The following FARP1 variants were observed in gnomAD, a reference collection of about 807,000 sequenced individuals.
FARP1 encodes FERM, ARHGEF and pleckstrin domain-containing protein 1.
Under a neutral mutation model 128.8 loss-of-function variants are expected in FARP1, and 52 were observed. The ratio of observed to expected loss-of-function variants is 0.40; its 90% CI spans 0.32 to 0.51. The LOEUF is 0.51. Ranked by LOEUF, FARP1 falls within the 20% of genes least tolerant of loss-of-function variation. The probability of loss-of-function intolerance (pLI) is 0.45; values close to 1 mark genes in which losing one functional copy is unlikely to be tolerated. For missense variants in FARP1, 1,333 were observed against 1,367.9 expected, an observed-to-expected ratio of 0.97 and a Z score of 0.40; for synonymous variants, 580 against 551.8, an observed-to-expected ratio of 1.05 and a Z score of -0.72.
In FARP1 at chr13:98,450,094, A is replaced by T. The variant is rs981077809; in HGVS notation, c.*1777A>T. ...ACACTGGTGGTTCTGACCTGTGACC[A>T]GCACCTCTGCTTCCTGTGTGCCCTC... On this transcript the variant is annotated 3_prime_UTR_variant, in exon 27 of 27. Coordinates refer to ENST00000319562, the MANE Select transcript of FARP1 (RefSeq NM_005766.4). 1 of 152,260 alleles carries T rather than the reference A, an allele frequency of 6.6e-6. No homozygotes were observed. Among genetic ancestry groups the T allele is most frequent in the African/African-American group, 2.4e-5 (1 of 41,470 alleles). The allele number at this position is 152,260 out of a possible 1,614,324, so 9.4% of individuals were successfully genotyped here. A position where few individuals can be genotyped will look rare whatever the true frequency, so the allele number is the denominator to read the frequency against.
intron 1 of FARP1, among the ~76,000 whole-genome samples, chr13:98,182,602 C>T (rs1878611756): frequency 1.3e-5 from 2 of 152,188 alleles, no homozygotes; most frequent in Non-Finnish European, 2.9e-5. Context: ...GCTGGGATTA[C>T]AGGGGTAAAC....
rs547273248 is a variant in FARP1 at position 98,156,665 on chromosome 13, C to T, written c.-24+13173C>T. Reference sequence around the variant, plus strand: ...TCAAGCGATCCTCCTGCCTCAGCCTCCCAAAGTTATAGGATGAGCCACTGT... The same window carrying T: ...TCAAGCGATCCTCCTGCCTCAGCCTTCCAAAGTTATAGGATGAGCCACTGT... On this transcript the variant is annotated intron_variant, in intron 1 of 26. Coordinates refer to ENST00000319562, the MANE Select transcript of FARP1 (RefSeq NM_005766.4). Among the ~76,000 whole-genome samples the T allele has an allele frequency of 2.6e-5, 4 of 152,174 alleles. No individual in the cohort carries two copies. The South Asian group carries it at 6.2e-4, about 24-fold the overall frequency.
chr13:98,335,686 C>T lies in FARP1; in HGVS notation c.172-8076C>T, dbSNP rs367758048. ...TTGCTCGATAAATACACCGCAGCCTCCTCAAGCCATCATAGTTATTAATAC... is the reference window on the plus strand; with the variant it reads ...TTGCTCGATAAATACACCGCAGCCTTCTCAAGCCATCATAGTTATTAATAC... On this transcript the variant is annotated intron_variant, in intron 2 of 26. Coordinates refer to ENST00000319562, the MANE Select transcript of FARP1 (RefSeq NM_005766.4). Among the ~76,000 whole-genome samples the T allele has an allele frequency of 6.6e-4, 100 of 152,354 alleles. 2 individuals carry two copies. In the East Asian group the frequency reaches 6.7e-3, roughly 10 times the overall value.
chr13:98,152,587 C>T (rs140880365), intron 1 of FARP1, among the ~76,000 whole-genome samples: 51 of 152,304 alleles, frequency 3.3e-4, no homozygotes, highest in African/African-American at 1.2e-3. Context: ...ATGCCAAATA[C>T]TAATCTGTTC....
At chr13:98,403,134 A>T in intron 13 of FARP1, 1 of 147,938 alleles carries the variant, frequency 6.8e-6, no homozygotes, top group South Asian at 2.1e-4. Flanking sequence ...TACTTGGAAT[A>T]CCTCTTTCCT....
rs148145329 is a variant in FARP1 at position 98,412,013 on chromosome 13, T to G, written c.1805T>G (p.Ile602Ser). 2 of 1,614,182 alleles carry G rather than the reference T, an allele frequency of 1.2e-6. No individual in the cohort carries two copies. Among genetic ancestry groups the G allele is most frequent in the Non-Finnish European group, 1.7e-6 (2 of 1,179,998 alleles). ...TTTCATACTAATTTTCTCAAGGAAATTGAGCAACGACTTGCCCTGTGGTGA... is the reference window on the plus strand; with the variant it reads ...TTTCATACTAATTTTCTCAAGGAAAGTGAGCAACGACTTGCCCTGTGGTGA... ...HKFHTNFLKE[I>S]EQRLALWEGR... is the part of the protein sequence containing the mutation. The change falls in exon 16 of 27, where the codon ATT (isoleucine) becomes AGT (serine). Residue 602 changes from isoleucine (I) to serine (S), a missense_variant. Coordinates refer to ENST00000319562, the MANE Select transcript of FARP1 (RefSeq NM_005766.4).
chr13:98,383,119 T>C (rs931645672), intron 6 of FARP1, among the ~76,000 whole-genome samples: 21 of 152,212 alleles, frequency 1.4e-4, no homozygotes, highest in African/African-American at 4.3e-4. Flanking sequence ...GAATGGCTAA[T>C]TCAGTGTTTA....
intron 2 of FARP1, among the ~76,000 whole-genome samples, chr13:98,316,927 T>C (rs1474490631): frequency 1.3e-5 from 2 of 152,186 alleles, no homozygotes; most frequent in African/African-American, 4.8e-5. Context: ...GGTTACACGT[T>C]CTCAGTAGGT....
intron 2 of FARP1, among the ~76,000 whole-genome samples, chr13:98,235,962 T>C (rs1437180447): frequency 6.6e-6 from 1 of 152,090 alleles, no homozygotes. Flanking sequence ...TAGCTGGGAT[T>C]ACAGGCATGT....
intron 6 of FARP1, among the ~76,000 whole-genome samples, chr13:98,380,792 C>A (rs1889864500): frequency 6.6e-6 from 1 of 152,062 alleles, no homozygotes; most frequent in African/African-American, 2.4e-5. Context: ...TTGCCCAGGC[C>A]AGTCTCAAAC....
Position 98,224,605 on chromosome 13 carries a change from C to T in FARP1, c.171+11192C>T, listed in dbSNP as rs149665987. On this transcript the variant is annotated intron_variant, in intron 2 of 26. Coordinates refer to ENST00000319562, the MANE Select transcript of FARP1 (RefSeq NM_005766.4). The stretch of plus-strand genomic sequence containing the variant: ...TTACTATCTTACAGTGCTGGAGGGG[C>T]AGGTGAAACAGAGCTGAGTCCCTAT... Among the ~76,000 whole-genome samples the T allele has an allele frequency of 4.4e-4, 66 of 150,818 alleles. 4 individuals are homozygous for T. The East Asian group carries it at 0.012, about 27-fold the overall frequency.
chr13:98,295,533 A>G (rs1232345244), intron 2 of FARP1, among the ~76,000 whole-genome samples: 1 of 152,210 alleles, frequency 6.6e-6, no homozygotes, highest in Admixed American at 6.5e-5. Flanking sequence ...AAGCCTGCAG[A>G]TAAAAATAAC....
intron 13 of FARP1, chr13:98,395,767 A>G: frequency 2.4e-6 from 1 of 415,512 alleles, no homozygotes; most frequent in Non-Finnish European, 4.2e-6. Context: ...AGCAGACATC[A>G]CCTTTGATAT....
intron 17 of FARP1, among the ~76,000 whole-genome samples, chr13:98,429,635 C>G (rs1891935158): frequency 6.6e-6 from 1 of 152,222 alleles, no homozygotes; most frequent in East Asian, 1.9e-4. Flanking sequence ...TGGTACCCAT[C>G]CTGAAGTTAG....
intron 1 of FARP1, among the ~76,000 whole-genome samples, chr13:98,156,904 G>C (rs931804013): frequency 2.6e-5 from 4 of 152,028 alleles, no homozygotes; most frequent in Admixed American, 6.5e-5. Flanking sequence ...TCCTGAAAGG[G>C]GTAAGCCAGT....
At chr13:98,280,072 T>C (rs1375791973) in intron 2 of FARP1, among the ~76,000 whole-genome samples, 3 of 152,154 alleles carry the variant, frequency 2.0e-5, no homozygotes, top group Non-Finnish European at 4.4e-5. Flanking sequence ...GCCATGCATG[T>C]CGCCTCCATT....
At chr13:98,302,750 G>A (rs1885975771) in intron 2 of FARP1, among the ~76,000 whole-genome samples, 1 of 152,242 alleles carries the variant, frequency 6.6e-6, no homozygotes, top group Non-Finnish European at 1.5e-5. Context: ...CGATGAGGTA[G>A]CATGGTTGAT....
intron 3 of FARP1, among the ~76,000 whole-genome samples, chr13:98,363,079 A>G (rs112796018): frequency 0.013 from 2,046 of 152,268 alleles, 47 homozygotes; most frequent in African/African-American, 0.046. Flanking sequence ...TGCCAGACTC[A>G]TCTTTTAAAA....
chr13:98,426,536 CAA>C (rs1891795184), intron 17 of FARP1, among the ~76,000 whole-genome samples: 1 of 152,088 alleles, frequency 6.6e-6, no homozygotes, highest in African/African-American at 2.4e-5. Context: ...GAGGGAGAGA[CAA>C]GAGGAGGATG....
Sources: gnomAD v4.1 joint callset for allele counts (sites outside exome capture counted in the v4.1 genomes callset) on GRCh38, gnomAD v4.1.1 for gene constraint, MANE v1.5 for transcripts, NCBI Gene and HGNC (gene_info 2026-07-23, HGNC 2026-07-21) for gene names.